The following STARD9 variants were observed in gnomAD, a reference collection of about 807,000 sequenced individuals.
STARD9 encodes stAR-related lipid transfer protein 9.
In STARD9, 346 loss-of-function variants were observed where a neutral mutation model predicts 399.8. That is an observed-to-expected ratio of 0.87 (90% CI 0.79 to 0.95). The LOEUF is 0.95. STARD9 is among the 40% of genes least tolerant of loss of function. STARD9 has a pLI of 0.00. For missense variants in STARD9, 5,832 were observed against 5,667.5 expected, an observed-to-expected ratio of 1.03 and a Z score of -0.93; for synonymous variants, 2,203 against 2,143.5, an observed-to-expected ratio of 1.03 and a Z score of -0.77.
chr15:42,615,109 A>C (rs1052302755), intron 3 of STARD9, among the ~76,000 whole-genome samples: 2 of 151,112 alleles, frequency 1.3e-5, no homozygotes, highest in African/African-American at 4.9e-5. Context: ...CCTGGGTTCA[A>C]GTGATTCTCC....
At chr15:42,601,296 C>A (rs1389607097) in intron 3 of STARD9, among the ~76,000 whole-genome samples, 1 of 152,210 alleles carries the variant, frequency 6.6e-6, no homozygotes, top group Non-Finnish European at 1.5e-5. Flanking sequence ...AGTCTGATCT[C>A]TCTCTCTTTT....
In STARD9 at chr15:42,692,235, G is replaced by A; in HGVS notation, c.10657G>A (p.Glu3553Lys). The change falls in exon 23 of 33, where the codon GAG (glutamate) becomes AAG (lysine). Residue 3553 changes from glutamate (E) to lysine (K), a missense_variant. Glu to Lys is a moderately conservative substitution (Grantham distance 56). Around this residue, in one of 2 missense-constraint regions of STARD9, gnomAD observed 5,828 missense variants for 5,651.1 expected, o/e 1.03. Transcript: ENST00000290607. ...SSTENAQGSNEAWEVFRGSSS... is the reference protein window; with the variant it reads ...SSTENAQGSNKAWEVFRGSSS... The stretch of plus-strand genomic sequence containing the variant: ...CACTGAGAATGCCCAGGGTTCAAAT[G>A]AGGCCTGGGAAGTATTCCGAGGGAG... The A allele has an allele frequency of 6.5e-7, 1 of 1,537,108 alleles. No individual in the cohort carries two copies. The highest frequency in any genetic ancestry group is 1.2e-5 in the South Asian group (1 of 84,058).
At chr15:42,610,808 A>G (rs1436303657) in intron 3 of STARD9, among the ~76,000 whole-genome samples, 1 of 152,108 alleles carries the variant, frequency 6.6e-6, no homozygotes, top group Non-Finnish European at 1.5e-5. Context: ...CAGCCTCCCA[A>G]AGTGCTGGGA....
chr15:42,681,503 G>T lies in STARD9; in HGVS notation c.1956G>T (p.Gln652His), dbSNP rs760673116. Residue 652 changes from glutamine (Q) to histidine (H), a missense_variant, in exon 21 of 33, where the codon CAG becomes CAT. Gln to His is a conservative substitution (Grantham distance 24, BLOSUM62 0). This residue lies in a region of STARD9 where 5,828 missense variants were observed against 5,651.1 expected (regional missense o/e 1.03). Transcript: ENST00000290607. ...CATCCCACAGGGCCCAGATTCAGCA[G>T]CAGCAGAGCTACGTAGAGGATTTGA... ...GETSHRAQIQ[Q>H]QQSYVEDLRH... is the part of the protein sequence containing the mutation. The T allele has an allele frequency of 1.1e-4, 168 of 1,537,092 alleles. 2 individuals are homozygous for T. The highest frequency in any genetic ancestry group is 7.8e-6 in the Non-Finnish European group (9 of 1,146,896).
chr15:42,686,447 A>G lies in STARD9; in HGVS notation c.4869A>G (p.Glu1623=). 6.5e-7 allele frequency: 1 copy of G among 1,537,832 alleles called. No individual in the cohort carries two copies. The highest frequency in any genetic ancestry group is 8.7e-7 in the Non-Finnish European group (1 of 1,147,038). ...AIPDSMTEAC[E]VKQNNLEECL... is the part of the protein sequence containing the mutation. ...CAGATTCCATGACAGAAGCATGTGA[A>G]GTCAAGCAGAACAACTTGGAAGAAT... The change falls in exon 23 of 33, where the codon GAA becomes GAG. Residue 1623 remains glutamate (E), a synonymous_variant. Transcript: ENST00000290607.
rs757128576 is a variant in STARD9, at chr15:42,692,204, C to T, written c.10626C>T (p.His3542=). ...ATATTTGTGATCTGTCAACCACACA[C>T]AGCAGCACTGAGAATGCCCAGGGTT... ...YANICDLSTT[H]SSTENAQGSN... is the part of the protein sequence containing the mutation. Residue 3542 remains histidine (H), a synonymous_variant, in exon 23 of 33, where the codon CAC becomes CAT. Coordinates refer to ENST00000290607, the MANE Select transcript of STARD9 (RefSeq NM_020759.3). The T allele has an allele frequency of 9.8e-5, 150 of 1,537,038 alleles. No individual in the cohort carries two copies. The highest frequency in any genetic ancestry group is 1.3e-4 in the Non-Finnish European group (145 of 1,146,916).
intron 26 of STARD9, among the ~76,000 whole-genome samples, chr15:42,707,661 G>A (rs1171612911): frequency 2.0e-5 from 3 of 151,856 alleles, no homozygotes; most frequent in Admixed American, 6.6e-5. Context: ...TAGTGGAGAC[G>A]GACTTTTACT....
chr15:42,692,286 C>G lies in STARD9; in HGVS notation c.10708C>G (p.His3570Asp), dbSNP rs2060727442. The G allele has an allele frequency of 7.2e-6, 11 of 1,536,960 alleles. No homozygotes were observed. The highest frequency in any genetic ancestry group is 9.6e-6 in the Non-Finnish European group (11 of 1,146,922). ...TTCTTCAATTGCCTTAGGAGACCCC[C>G]ACATCCCGACGAGCCCTGAAGGAGT... The part of the protein sequence containing the change: ...GSSSIALGDP[H>D]IPTSPEGVAP... The change falls in exon 23 of 33, where the codon CAC (histidine) becomes GAC (aspartate). Residue 3570 changes from histidine to aspartate, a missense_variant. By Grantham distance (81) the His-to-Asp change is moderately conservative. Coordinates refer to ENST00000290607, the MANE Select transcript of STARD9 (RefSeq NM_020759.3).
rs1248092131 is a variant in STARD9 at position 42,692,283 on chromosome 15, C to T, written c.10705C>T (p.Pro3569Ser). Reference sequence around the variant, plus strand: ...GAGTTCTTCAATTGCCTTAGGAGACCCCCACATCCCGACGAGCCCTGAAGG... The same window carrying T: ...GAGTTCTTCAATTGCCTTAGGAGACTCCCACATCCCGACGAGCCCTGAAGG... Reference protein sequence around the residue: ...RGSSSIALGDPHIPTSPEGVA... With the variant: ...RGSSSIALGDSHIPTSPEGVA... The change falls in exon 23 of 33, where the codon CCC (proline) becomes TCC (serine). Residue 3569 changes from proline (P) to serine (S), a missense_variant. Around this residue, in one of 2 missense-constraint regions of STARD9, gnomAD observed 5,828 missense variants for 5,651.1 expected, o/e 1.03. Transcript: ENST00000290607. The T allele has an allele frequency of 6.5e-7, 1 of 1,536,996 alleles. No individual in the cohort carries two copies. The highest frequency in any genetic ancestry group is 2.0e-5 in the Admixed American group (1 of 50,976).
chr15:42,621,869 G>C (rs887756869), intron 3 of STARD9, among the ~76,000 whole-genome samples: 9 of 152,162 alleles, frequency 5.9e-5, no homozygotes, highest in African/African-American at 1.9e-4. Flanking sequence ...GATCATTTCT[G>C]TTGGGGTATC....
Position 42,578,031 on chromosome 15 carries a change from C to T in STARD9, c.47+2269C>T, listed in dbSNP as rs557407047. On this transcript the variant is annotated intron_variant, in intron 1 of 32. Coordinates refer to ENST00000290607, the MANE Select transcript of STARD9 (RefSeq NM_020759.3). ...GATTTGATTCATTAGACCTACTGCT[C>T]TTTCTGAGATTACAGAAAAGTTGCA... Among the ~76,000 whole-genome samples, 3 of 152,142 alleles carry T rather than the reference C, an allele frequency of 2.0e-5. No homozygotes were observed. In the South Asian group the frequency reaches 6.2e-4, roughly 32 times the overall value.
chr15:42,613,524 C>T (rs759788256), intron 3 of STARD9, among the ~76,000 whole-genome samples: 1 of 152,050 alleles, frequency 6.6e-6, no homozygotes, highest in Non-Finnish European at 1.5e-5. Context: ...ATTTCTGTGC[C>T]TCAGTTATCT....
intron 7 of STARD9, among the ~76,000 whole-genome samples, chr15:42,645,583 AGAGG>A (rs1282345247): frequency 6.9e-6 from 1 of 145,162 alleles, no homozygotes; most frequent in Non-Finnish European, 1.5e-5. Context: ...TTTTTTTGAG[AGAGG>A]GAGGGTCTTG....
chr15:42,681,990 G>A (rs991155141), intron 21 of STARD9, 114 bp from the exon 22 acceptor site: 24 of 712,876 alleles, frequency 3.4e-5, no homozygotes, highest in Non-Finnish European at 4.8e-5. Flanking sequence ...ACATCACCTT[G>A]GCCAGCTCTT....
chr15:42,584,422 T>G (rs2058233491), intron 2 of STARD9, among the ~76,000 whole-genome samples: 1 of 152,182 alleles, frequency 6.6e-6, no homozygotes, highest in Non-Finnish European at 1.5e-5. Context: ...TTCTCATGTT[T>G]TTGGTTCTTA....
intron 10 of STARD9, among the ~76,000 whole-genome samples, chr15:42,662,024 A>G (rs1021819187): frequency 6.6e-6 from 1 of 152,074 alleles, no homozygotes; most frequent in Non-Finnish European, 1.5e-5. Context: ...TGTGGTGCAC[A>G]TCTGTAGTCC....
chr15:42,689,734 C>T lies in STARD9; in HGVS notation c.8156C>T (p.Ala2719Val). 1.3e-6 allele frequency: 2 copies of T among 1,537,810 alleles called. No homozygotes were observed. The highest frequency in any genetic ancestry group is 1.7e-6 in the Non-Finnish European group (2 of 1,147,034). The change falls in exon 23 of 33, where the codon GCC (alanine) becomes GTC (valine). Residue 2719 changes from alanine to valine, a missense_variant. Physicochemically the swap from Ala to Val is moderately conservative, Grantham distance 64. Transcript: ENST00000290607. Reference protein sequence around the residue: ...TRTPSSADPLAPDSPRSSAPV... With the variant: ...TRTPSSADPLVPDSPRSSAPV... ...ACACCTTCCTCAGCTGATCCTTTGG[C>T]CCCAGACAGTCCTCGTTCTTCAGCA... is the stretch of plus-strand genomic sequence containing the variant.
chr15:42,626,375 C>CCTCT (rs1566884932), intron 3 of STARD9, among the ~76,000 whole-genome samples: 36 of 125,984 alleles, frequency 2.9e-4, no homozygotes, highest in African/African-American at 8.6e-4. Flanking sequence ...CTTCTTCCTC[C>CCTCT]TCTTCCTCCT....
At chr15:42,615,376 G>T (rs969604692) in intron 3 of STARD9, among the ~76,000 whole-genome samples, 6 of 152,032 alleles carry the variant, frequency 3.9e-5, no homozygotes, top group Non-Finnish European at 8.8e-5. Context: ...GTGATTGCTC[G>T]TAATAGTTGA....
Sources: gnomAD v4.1 joint callset for allele counts (sites outside exome capture counted in the v4.1 genomes callset) on GRCh38, gnomAD v4.1.1 for gene constraint, gnomAD v4.1.1 regional missense constraint, MANE v1.5 for transcripts, NCBI Gene and HGNC (gene_info 2026-07-23, HGNC 2026-07-21) for gene names.